The following HHAT variants were observed in gnomAD, a reference collection of about 807,000 sequenced individuals.
HHAT encodes the protein hedgehog acyltransferase.
In HHAT, 47 loss-of-function variants were observed where a neutral mutation model predicts 70.8. That is an observed-to-expected ratio of 0.66 (90% CI 0.53 to 0.85). HHAT has a LOEUF of 0.85. Among genes scored for constraint, HHAT ranks in the 40% least tolerant of loss-of-function variants. The probability of loss-of-function intolerance (pLI) is 0.00; values close to 1 mark genes in which losing one functional copy is unlikely to be tolerated. For synonymous variants in HHAT, 228 were observed against 247.6 expected, an observed-to-expected ratio of 0.92 and a Z score of 0.74; for missense variants, 609 against 604.8, an observed-to-expected ratio of 1.01 and a Z score of -0.07.
At chr1:210,440,119 C>T (rs1449463512) in intron 7 of HHAT, among the ~76,000 whole-genome samples, 1 of 151,776 alleles carries the variant, frequency 6.6e-6, no homozygotes, top group East Asian at 1.9e-4. Flanking sequence ...CTGTCATTCT[C>T]CTCTTACTCT....
intron 8 of HHAT, among the ~76,000 whole-genome samples, chr1:210,495,293 A>G (rs1402286171): frequency 6.6e-6 from 1 of 151,274 alleles, no homozygotes; most frequent in African/African-American, 2.4e-5. Flanking sequence ...ATTATAATAT[A>G]TTACAAAATT....
chr1:210,666,668 GA>G (rs1189645920), intron 11 of HHAT, among the ~76,000 whole-genome samples: 7 of 152,090 alleles, frequency 4.6e-5, no homozygotes, highest in Non-Finnish European at 7.4e-5. Flanking sequence ...ATTTTTAGTA[GA>G]GACCAAGTTT....
At chr1:210,541,595 C>T (rs537731546) in intron 9 of HHAT, among the ~76,000 whole-genome samples, 19 of 152,210 alleles carry the variant, frequency 1.2e-4, no homozygotes, top group East Asian at 7.7e-4. Flanking sequence ...GGTGTGGTGG[C>T]GCGTGCCTGT....
chr1:210,518,921 G>A (rs1393106998), intron 9 of HHAT, among the ~76,000 whole-genome samples: 1 of 152,222 alleles, frequency 6.6e-6, no homozygotes, highest in African/African-American at 2.4e-5. Flanking sequence ...GTTATGTATT[G>A]TTTTGAAAGA....
chr1:210,374,025 A>C (rs1004338637), intron 3 of HHAT: 3 of 152,254 alleles, frequency 2.0e-5, no homozygotes, highest in South Asian at 2.1e-4. Flanking sequence ...TTTGACATGG[A>C]AAACAAGAGT....
intron 7 of HHAT, among the ~76,000 whole-genome samples, chr1:210,463,441 G>A (rs968806046): frequency 6.6e-6 from 1 of 152,056 alleles, no homozygotes. Context: ...GTTTCACTTA[G>A]CTTCATGTTT....
chr1:210,387,671 A>G (rs1052520598), intron 4 of HHAT, 90 bp downstream of exon 4: 1 of 926,746 alleles, frequency 1.1e-6, no homozygotes. Context: ...GAAGACTTGG[A>G]TATTAGCACT....
At chr1:210,580,225 T>A (rs1248302310) in intron 9 of HHAT, among the ~76,000 whole-genome samples, 7 of 152,160 alleles carry the variant, frequency 4.6e-5, no homozygotes, top group African/African-American at 1.7e-4. Flanking sequence ...CTCTTAGCCT[T>A]ATGGAGGATG....
At chr1:210,602,055 C>T (rs1573640547) in intron 10 of HHAT, among the ~76,000 whole-genome samples, 2 of 151,176 alleles carry the variant, frequency 1.3e-5, no homozygotes, top group Admixed American at 6.6e-5. Context: ...GAAGTTGGAT[C>T]GAGGGGGAGC....
intron 8 of HHAT, among the ~76,000 whole-genome samples, chr1:210,499,903 T>C (rs555712735): frequency 6.6e-6 from 1 of 152,256 alleles, no homozygotes; most frequent in Non-Finnish European, 1.5e-5. Flanking sequence ...AGAATAAAAC[T>C]GAGAAAGGAA....
chr1:210,619,296 C>G (rs1180297274), intron 10 of HHAT, among the ~76,000 whole-genome samples: 1 of 152,092 alleles, frequency 6.6e-6, no homozygotes, highest in East Asian at 1.9e-4. Flanking sequence ...CCTCTTTCTT[C>G]TGGATTTCAG....
chr1:210,439,985 C>T (rs1164712464), intron 7 of HHAT, among the ~76,000 whole-genome samples: 1 of 151,726 alleles, frequency 6.6e-6, no homozygotes, highest in Non-Finnish European at 1.5e-5. Context: ...AAGGATAAAA[C>T]TTCTGGGGTT....
chr1:210,333,952 T>A (rs917286400), intron 1 of HHAT, among the ~76,000 whole-genome samples: 1 of 151,980 alleles, frequency 6.6e-6, no homozygotes, highest in African/African-American at 2.4e-5. Context: ...CCATTACATC[T>A]GGCTGGAACT....
chr1:210,675,844 T>G lies in HHAT; in HGVS notation c.*1465T>G, dbSNP rs928717266. 6.6e-5 allele frequency: 10 copies of G among 152,246 alleles called. No individual in the cohort carries two copies. Among genetic ancestry groups the G allele is most frequent in the Non-Finnish European group, 1.3e-4 (9 of 68,084 alleles). The allele number at this position is 152,246 out of a possible 1,614,324, so 9.4% of individuals were successfully genotyped here. A position where few individuals can be genotyped will look rare whatever the true frequency, so the allele number is the denominator to read the frequency against. ...CAGGTAGACCTGCATAGCAGCAGCC[T>G]CAGCAGCTGTCTTGGTAAAGGAGAG... On this transcript the variant is annotated 3_prime_UTR_variant, in exon 12 of 12. Coordinates refer to ENST00000261458, the MANE Select transcript of HHAT (RefSeq NM_018194.6).
At chr1:210,362,307 A>G (rs937080595) in intron 2 of HHAT, among the ~76,000 whole-genome samples, 1 of 149,934 alleles carries the variant, frequency 6.7e-6, no homozygotes, top group Admixed American at 6.7e-5. Flanking sequence ...GTGCAATGGC[A>G]TAATCTTGGC....
chr1:210,501,225 A>G (rs1441436248), intron 8 of HHAT, among the ~76,000 whole-genome samples: 1 of 152,238 alleles, frequency 6.6e-6, no homozygotes, highest in African/African-American at 2.4e-5. Context: ...TTAAATATTC[A>G]TTAAATGGAT....
rs2094161872 is a variant in HHAT at position 210,469,421 on chromosome 1, T to TA, written c.1007+4769dup. ...GAGATGACCACCAGGATCCCTGTGC[T>TA]AAAGTACATCCACCCCGACAAATCT... On this transcript the variant is annotated intron_variant, in intron 8 of 11. Transcript: ENST00000261458. Among the ~76,000 whole-genome samples the TA allele has an allele frequency of 2.6e-5, 4 of 152,124 alleles. No individual in the cohort carries two copies. The South Asian group carries it at 8.3e-4, about 32-fold the overall frequency.
At chr1:210,552,217 T>G (rs2148685392) in intron 9 of HHAT, among the ~76,000 whole-genome samples, 1 of 152,310 alleles carries the variant, frequency 6.6e-6, no homozygotes, top group Non-Finnish European at 1.5e-5. Flanking sequence ...AGAAAGCTCC[T>G]CGGGGCAATG....
At chr1:210,606,426 C>T (rs1665447493) in intron 10 of HHAT, among the ~76,000 whole-genome samples, 1 of 152,144 alleles carries the variant, frequency 6.6e-6, no homozygotes, top group African/African-American at 2.4e-5. Flanking sequence ...TCCTTCTTCC[C>T]AGATTCTCCA....
Sources: gnomAD v4.1 joint callset for allele counts (sites outside exome capture counted in the v4.1 genomes callset) on GRCh38, gnomAD v4.1.1 for gene constraint, MANE v1.5 for transcripts, NCBI Gene and HGNC (gene_info 2026-07-23, HGNC 2026-07-21) for gene names.